The following SH2B2 variants were observed in gnomAD, a reference collection of about 807,000 sequenced individuals.
The protein encoded by SH2B2 is SH2B adapter protein 2.
A neutral mutation model predicts 35.7 loss-of-function variants in SH2B2; 37 were observed. The ratio of observed to expected loss-of-function variants is 1.04; its 90% CI spans 0.80 to 1.36. SH2B2 has a LOEUF of 1.36. Among genes scored for constraint, SH2B2 ranks in the 40% most tolerant of loss-of-function variants. The probability of loss-of-function intolerance (pLI) is 0.00; values close to 1 mark genes in which losing one functional copy is unlikely to be tolerated. For missense variants in SH2B2, 852 were observed against 817.7 expected, an observed-to-expected ratio of 1.04 and a Z score of -0.51; for synonymous variants, 383 against 376.4, an observed-to-expected ratio of 1.02 and a Z score of -0.20.
chr7:102,301,227 G>A lies in SH2B2; in HGVS notation c.677G>A (p.Arg226His). Residue 226 changes from arginine (R) to histidine (H), a missense_variant, in exon 2 of 9, where the codon CGC (arginine) becomes CAC (histidine). Transcript: ENST00000444095. ...TGGCAGAAGTGCCGCCTGCTCCTGC[G>A]CAGGGCTGTGGCCGAGGAACGCTTC... Reference protein sequence around the residue: ...AQWQKCRLLLRRAVAEERFRL... With the variant: ...AQWQKCRLLLHRAVAEERFRL... 1 of 1,601,696 alleles carries A rather than the reference G, an allele frequency of 6.2e-7. No homozygotes were observed. The highest frequency in any genetic ancestry group is 8.5e-7 in the Non-Finnish European group (1 of 1,175,160).
chr7:102,308,697 C>A, intron 3 of SH2B2, 118 bp from the exon 4 acceptor site: 1 of 777,472 alleles, frequency 1.3e-6, no homozygotes. Flanking sequence ...TGCTCATGCC[C>A]TTGAGCCCTG....
At chr7:102,319,402 TTTTG>T (rs1793972111) in intron 7 of SH2B2, among the ~76,000 whole-genome samples, 1 of 152,156 alleles carries the variant, frequency 6.6e-6, no homozygotes, top group South Asian at 2.1e-4. Context: ...GTCTGTATTT[TTTTG>T]TTTGTTTTTT....
intron 1 of SH2B2, among the ~76,000 whole-genome samples, chr7:102,299,197 C>CTTTTTTTTTGTTTTTTTTTTTTTTTTT (rs1793048050): frequency 4.1e-5 from 1 of 24,630 alleles, no homozygotes. Context: ...CCGCGCCTGG[C>CTTTTTTTTTGTTTTTTTTTTTTTTTTT]TTTTTTTTTT....
chr7:102,295,275 G>A (rs369784048), intron 1 of SH2B2, among the ~76,000 whole-genome samples: 4 of 152,336 alleles, frequency 2.6e-5, no homozygotes, highest in African/African-American at 9.6e-5. Flanking sequence ...AGGCTGCCAA[G>A]TCACTGGCTC....
At chr7:102,292,910 AG>A (rs1792731027) in intron 1 of SH2B2, among the ~76,000 whole-genome samples, 1 of 151,986 alleles carries the variant, frequency 6.6e-6, no homozygotes, top group South Asian at 2.1e-4. Flanking sequence ...CAGCCTTTTG[AG>A]GTGCTGCATA....
In SH2B2 at chr7:102,321,544, G is replaced by T; in HGVS notation, c.1813G>T (p.Ala605Ser). The T allele has an allele frequency of 8.7e-7, 1 of 1,145,448 alleles. No individual in the cohort carries two copies. The highest frequency in any genetic ancestry group is 1.1e-6 in the Non-Finnish European group (1 of 933,828). 71.0% of individuals were successfully genotyped at this position (1,145,448 alleles called of 1,614,324 possible). ...CAACAGCGCCGAGCGCCTGCTGGAG[G>T]CCGTGGCCGCCACCGCCGCCGAGGA... ...RSNSAERLLE[A>S]VAATAAEEPP... Residue 605 changes from alanine to serine, a missense_variant, in exon 9 of 9, where the codon GCC (alanine) becomes TCC (serine). Ala to Ser is a moderately conservative substitution (Grantham distance 99). This residue lies in a region of SH2B2 where 556 missense variants were observed against 514.5 expected (regional missense o/e 1.08). Transcript: ENST00000444095.
At chr7:102,319,800 AG>A (rs1187736980) in intron 7 of SH2B2, among the ~76,000 whole-genome samples, 6 of 152,140 alleles carry the variant, frequency 3.9e-5, no homozygotes, top group Non-Finnish European at 5.9e-5. Context: ...CCTAGAGAGA[AG>A]CCAGCCCTGT....
At chr7:102,292,869 G>A (rs1185262909) in intron 1 of SH2B2, among the ~76,000 whole-genome samples, 1 of 152,140 alleles carries the variant, frequency 6.6e-6, no homozygotes, top group Non-Finnish European at 1.5e-5. Context: ...GAGGGTGCAG[G>A]AGGAAGGGGG....
At chr7:102,292,073 C>T (rs180960553) in intron 1 of SH2B2, among the ~76,000 whole-genome samples, 3 of 152,126 alleles carry the variant, frequency 2.0e-5, no homozygotes, top group Non-Finnish European at 2.9e-5. Flanking sequence ...CCCCTAAGGG[C>T]AGTGGACATG....
At chr7:102,315,734 C>A (rs569956598) in intron 6 of SH2B2, among the ~76,000 whole-genome samples, 16 of 107,282 alleles carry the variant, frequency 1.5e-4, no homozygotes, top group African/African-American at 5.3e-4. Flanking sequence ...AGAGAGAGAC[C>A]CTGTGAAAAG....
intron 2 of SH2B2, among the ~76,000 whole-genome samples, chr7:102,301,518 G>A (rs1793190073): frequency 6.6e-6 from 1 of 152,010 alleles, no homozygotes; most frequent in Admixed American, 6.6e-5. Context: ...AGGGTTCTGG[G>A]GCACTAATTT....
chr7:102,320,573 C>A, intron 8 of SH2B2, 71 bp downstream of exon 8: 1 of 1,529,906 alleles, frequency 6.5e-7, no homozygotes, highest in Non-Finnish European at 8.8e-7. Flanking sequence ...GAAGGTGGTC[C>A]CTGGGGTGGG....
At chr7:102,307,779 T>C (rs1793460384) in intron 3 of SH2B2, among the ~76,000 whole-genome samples, 1 of 151,710 alleles carries the variant, frequency 6.6e-6, no homozygotes, top group African/African-American at 2.4e-5. Flanking sequence ...TTTTTTTTTT[T>C]TCTTTGTTTG....
At chr7:102,312,236 G>T (rs532835210) in intron 4 of SH2B2, among the ~76,000 whole-genome samples, 38 of 151,890 alleles carry the variant, frequency 2.5e-4, no homozygotes, top group African/African-American at 7.5e-4. Context: ...GCTGGGCCTG[G>T]TGGTGGCATG....
chr7:102,312,187 C>T (rs1447351009), intron 4 of SH2B2, among the ~76,000 whole-genome samples: 2 of 151,906 alleles, frequency 1.3e-5, no homozygotes, highest in East Asian at 1.9e-4. Flanking sequence ...GCTTGGCCAA[C>T]ATGGTGAAAC....
At chr7:102,285,160 T>G (rs1292283815), upstream of SH2B2, 11 of 1,549,802 alleles carry the variant, frequency 7.1e-6, no homozygotes, top group East Asian at 2.4e-4. Flanking sequence ...TCCCTGGGGA[T>G]GGATCCAAGC....
chr7:102,287,382 C>A (rs1224049683), intron 1 of SH2B2, among the ~76,000 whole-genome samples: 1 of 152,130 alleles, frequency 6.6e-6, no homozygotes, highest in Non-Finnish European at 1.5e-5. Context: ...CCGCCCCCTG[C>A]TAGGGCCCCG....
chr7:102,304,654 A>G (rs1793321463), intron 2 of SH2B2, among the ~76,000 whole-genome samples: 2 of 152,354 alleles, frequency 1.3e-5, no homozygotes, highest in Middle Eastern at 3.4e-3. Flanking sequence ...AAGCTGGACC[A>G]GGACTGACGG....
intron 2 of SH2B2, among the ~76,000 whole-genome samples, chr7:102,306,390 AT>A (rs150236603): frequency 0.02 from 3,115 of 152,006 alleles, 119 homozygotes; most frequent in African/African-American, 0.072. Flanking sequence ...CACCCAGCCC[AT>A]TTTTTGGTCT....
Sources: gnomAD v4.1 joint callset for allele counts (sites outside exome capture counted in the v4.1 genomes callset) on GRCh38, gnomAD v4.1.1 for gene constraint, gnomAD v4.1.1 regional missense constraint, MANE v1.5 for transcripts, NCBI Gene and HGNC (gene_info 2026-07-23, HGNC 2026-07-21) for gene names.